Variants in ETF1 observed in about 807,000 individuals in gnomAD.
ETF1 encodes eukaryotic translation termination factor 1.
Under a neutral mutation model 55.1 loss-of-function variants are expected in ETF1, and 4 were observed. The ratio of observed to expected loss-of-function variants is 0.07; its 90% confidence interval spans 0.04 to 0.17. The LOEUF (loss-of-function observed/expected upper bound fraction) is 0.17. Ranked by LOEUF, ETF1 falls within the 10% of genes least tolerant of loss-of-function variation. The pLI, the probability that ETF1 is intolerant of heterozygous loss-of-function variation, is 1.00. For missense variants in ETF1, 142 were observed against 523.6 expected, an observed-to-expected ratio of 0.27 and a Z score of 7.11; for synonymous variants, 157 against 182.3, an observed-to-expected ratio of 0.86 and a Z score of 1.12.
At chr5:138,529,554 C>T (rs1267958937) in intron 2 of ETF1, 2 of 980,814 alleles carry the variant, frequency 2.0e-6, no homozygotes, top group Non-Finnish European at 2.4e-6. Flanking sequence ...AGACAACATA[C>T]AGCAATGTAT....
At chr5:138,531,705 T>C (rs139459900) in intron 2 of ETF1, among the ~76,000 whole-genome samples, 47 of 152,224 alleles carry the variant, frequency 3.1e-4, no homozygotes, top group African/African-American at 1.1e-3. Context: ...TTTCACCACT[T>C]CCCTTTTCAA....
chr5:138,539,118 A>C (rs1349597630), intron 2 of ETF1, among the ~76,000 whole-genome samples: 3 of 152,214 alleles, frequency 2.0e-5, no homozygotes, highest in Non-Finnish European at 4.4e-5. Flanking sequence ...TCATTGGATA[A>C]GAAACACATA....
intron 2 of ETF1, among the ~76,000 whole-genome samples, chr5:138,523,006 AAAACAAAC>A (rs145234315): frequency 2.1e-4 from 32 of 150,964 alleles, no homozygotes; most frequent in South Asian, 4.2e-4. Flanking sequence ...ACTCCATCTC[AAAACAAAC>A]AAACAAACAA....
intron 2 of ETF1, among the ~76,000 whole-genome samples, chr5:138,530,290 T>C (rs1323266652): frequency 6.6e-6 from 1 of 152,154 alleles, no homozygotes; most frequent in African/African-American, 2.4e-5. Flanking sequence ...AGATTTTTTT[T>C]TTCTCTGAGA....
At position 138,518,783 on chromosome 5, in the gene ETF1, T is replaced by C. The variant is rs775777158; in HGVS notation, c.171A>G (p.Gly57=). The stretch of plus-strand genomic sequence containing the variant: ...CTCGTGACTTAATGTTAGATGCAGT[T>C]CCAAACTCATCCGCTAACATTTTTG... ...RVAKMLADEF[G]TASNIKSRVN... The change falls in exon 3 of 11, where the codon GGA becomes GGG. Residue 57 remains glycine, a synonymous_variant. Coordinates refer to ENST00000360541, the MANE Select transcript of ETF1 (RefSeq NM_004730.4). 1 of 1,614,100 alleles carries C rather than the reference T, an allele frequency of 6.2e-7. No individual in the cohort carries two copies. The highest frequency in any genetic ancestry group is 1.7e-5 in the Admixed American group (1 of 60,024).
chr5:138,528,650 T>C (rs530805633), intron 2 of ETF1, among the ~76,000 whole-genome samples: 1 of 152,136 alleles, frequency 6.6e-6, no homozygotes, highest in Non-Finnish European at 1.5e-5. Context: ...TTGAATTAGG[T>C]GCAAAAAATT....
intron 2 of ETF1, among the ~76,000 whole-genome samples, chr5:138,521,152 A>C (rs144762014): frequency 0.012 from 1,770 of 152,302 alleles, 23 homozygotes; most frequent in Middle Eastern, 0.041. Flanking sequence ...ATTCAGTCTT[A>C]AAGGAAGGAA....
intron 3 of ETF1, chr5:138,518,011 G>C (rs775055408): frequency 1.5e-4 from 47 of 303,966 alleles, no homozygotes; most frequent in Non-Finnish European, 2.1e-4. Context: ...AGACCAACCT[G>C]GCCAACATGG....
At chr5:138,522,962 C>T (rs536062001) in intron 2 of ETF1, among the ~76,000 whole-genome samples, 41 of 150,582 alleles carry the variant, frequency 2.7e-4, no homozygotes, top group African/African-American at 9.3e-4. Context: ...GCCAAGATAG[C>T]GCCACTGCAG....
At chr5:138,525,938 CTGT>C (rs1765452668) in intron 2 of ETF1, among the ~76,000 whole-genome samples, 1 of 66,428 alleles carries the variant, frequency 1.5e-5, no homozygotes. Flanking sequence ...GAGTGAGACT[CTGT>C]TTAAAAAAAA....
chr5:138,519,239 G>C, intron 2 of ETF1: 1 of 975,768 alleles, frequency 1.0e-6, no homozygotes, highest in African/African-American at 1.7e-5. Flanking sequence ...TGGTGGTTGA[G>C]TGGGAGACGC....
At chr5:138,518,622 C>T in intron 3 of ETF1, 70 bp downstream of exon 3, 4 of 1,307,060 alleles carry the variant, frequency 3.1e-6, no homozygotes, top group Non-Finnish European at 4.3e-6. Flanking sequence ...AACAAAGCAC[C>T]ATAGCAGCAT....
intron 9 of ETF1, chr5:138,509,202 G>A (rs1039583650): frequency 1.0e-6 from 1 of 984,814 alleles, no homozygotes; most frequent in Non-Finnish European, 1.2e-6. Context: ...AGAGAACAAA[G>A]CTCTCCAAAC....
intron 2 of ETF1, among the ~76,000 whole-genome samples, chr5:138,533,462 C>A (rs1221341832): frequency 6.6e-6 from 1 of 152,078 alleles, no homozygotes. Context: ...CCGAGGCAGG[C>A]GGATCACGAG....
rs1425442309 is a variant in ETF1, at chr5:138,525,050, C to A, written c.87-6183G>T. ...CTCTTGGTCTCAACCTGACAGTTTC[C>A]CCCATAAAAGCCAAAGCATGTTTTC... On this transcript the variant is annotated intron_variant, in intron 2 of 10. Transcript: ENST00000360541. Among the ~76,000 whole-genome samples, 3 of 152,066 alleles carry A rather than the reference C, an allele frequency of 2.0e-5. No homozygotes were observed. In the East Asian group the frequency reaches 5.8e-4, roughly 29 times the overall value.
In ETF1 at chr5:138,510,845, C is replaced by A. The variant is rs567837157; in HGVS notation, c.1018+200G>T. On this transcript the variant is annotated intron_variant, in intron 8 of 10. Transcript: ENST00000360541. ...TTCAAGATATAGTCCTGGTCCTCAGCAGATGTAACAATCTTAAGCAGACGT... is the reference window on the plus strand; with the variant it reads ...TTCAAGATATAGTCCTGGTCCTCAGAAGATGTAACAATCTTAAGCAGACGT... 19 of 773,626 alleles carry A rather than the reference C, an allele frequency of 2.5e-5. 1 individual carries two copies. In the South Asian group the frequency reaches 4.1e-4, roughly 17 times the overall value. 47.9% of individuals were successfully genotyped at this position (773,626 alleles called of 1,614,324 possible). A position where few individuals can be genotyped will look rare whatever the true frequency, so the allele number is the denominator to read the frequency against.
At chr5:138,537,367 A>G (rs1015268317) in intron 2 of ETF1, among the ~76,000 whole-genome samples, 2 of 152,072 alleles carry the variant, frequency 1.3e-5, no homozygotes, top group African/African-American at 4.8e-5. Context: ...ATTACAGAGC[A>G]CTCTCTATGT....
chr5:138,534,988 CAG>C (rs1765858590), intron 2 of ETF1, among the ~76,000 whole-genome samples: 1 of 135,592 alleles, frequency 7.4e-6, no homozygotes, highest in Admixed American at 7.8e-5. Context: ...TTTTTTGAGA[CAG>C]AGTCTCCCTC....
At chr5:138,519,143 A>G (rs1239541680) in intron 2 of ETF1, 1 of 984,360 alleles carries the variant, frequency 1.0e-6, no homozygotes, top group East Asian at 1.1e-4. Flanking sequence ...CTCATTTCCT[A>G]AAGAAAGAAG....
Sources: gnomAD v4.1 joint callset for allele counts (sites outside exome capture counted in the v4.1 genomes callset) on GRCh38, gnomAD v4.1.1 for gene constraint, MANE v1.5 for transcripts, NCBI Gene and HGNC (gene_info 2026-07-23, HGNC 2026-07-21) for gene names.